Variants in LRP5 observed in about 807,000 individuals in gnomAD.
The protein encoded by LRP5 is low-density lipoprotein receptor-related protein 5.
Under a neutral mutation model 154.1 loss-of-function variants are expected in LRP5, and 62 were observed. The observed-to-expected ratio is 0.40, with a 90% CI of 0.33 to 0.50. The LOEUF is 0.50. Ranked by LOEUF, LRP5 falls within the 20% of genes least tolerant of loss-of-function variation. LRP5 has a pLI of 0.55. For synonymous variants in LRP5, 966 were observed against 1,011.5 expected (o/e 0.96, Z 0.85); for missense variants, 1,915 against 2,336.7 (o/e 0.82, Z 3.72).
At chr11:68,389,542 C>T (rs1235732204) in intron 6 of LRP5, among the ~76,000 whole-genome samples, 3 of 151,932 alleles carry the variant, frequency 2.0e-5, no homozygotes, top group African/African-American at 4.8e-5. Flanking sequence ...TTACCAACAC[C>T]GATGTTTACC....
intron 1 of LRP5, among the ~76,000 whole-genome samples, chr11:68,329,285 A>C (rs2098601440): frequency 6.6e-6 from 1 of 152,226 alleles, no homozygotes; most frequent in Admixed American, 6.5e-5. Flanking sequence ...ACAGTGTGCC[A>C]GGTGGGCTCT....
chr11:68,417,002 A>G lies in LRP5; in HGVS notation c.3027+475A>G, dbSNP rs73515091. Among the ~76,000 whole-genome samples, 684 of 152,356 alleles carry G rather than the reference A, an allele frequency of 4.5e-3. 3 individuals carry two copies. Among genetic ancestry groups the G allele is most frequent in the African/African-American group, 0.016 (660 of 41,578 alleles). ...ACAGCCCTCAAAATCTCCATCAATG[A>G]CATGTAAGAAAAGAGAGGAACCTGG... On this transcript the variant is annotated intron_variant, in intron 13 of 22. Transcript: ENST00000294304.
chr11:68,390,625 C>T (rs1259366997), intron 7 of LRP5, among the ~76,000 whole-genome samples: 8 of 152,160 alleles, frequency 5.3e-5, no homozygotes, highest in Middle Eastern at 3.4e-3. Flanking sequence ...TCAGTGGCCT[C>T]GTCCCGTGGA....
chr11:68,374,036 G>A (rs935376087), intron 5 of LRP5, among the ~76,000 whole-genome samples: 2 of 152,198 alleles, frequency 1.3e-5, no homozygotes, highest in Non-Finnish European at 2.9e-5. Context: ...GTGCGGCTTG[G>A]GGATTTGTGG....
intron 2 of LRP5, among the ~76,000 whole-genome samples, chr11:68,351,365 C>T (rs1455135120): frequency 1.3e-5 from 2 of 152,132 alleles, no homozygotes; most frequent in Non-Finnish European, 2.9e-5. Context: ...CCTCTCAGCC[C>T]TCTCCCCCTG....
At chr11:68,373,329 AG>A (rs1283100609) in intron 5 of LRP5, among the ~76,000 whole-genome samples, 1 of 152,144 alleles carries the variant, frequency 6.6e-6, no homozygotes, top group Non-Finnish European at 1.5e-5. Context: ...CCCAAGGGAC[AG>A]GGAGCAGCGT....
chr11:68,332,078 C>G (rs1565322484), intron 1 of LRP5, among the ~76,000 whole-genome samples: 1 of 152,136 alleles, frequency 6.6e-6, no homozygotes, highest in African/African-American at 2.4e-5. Context: ...CCACCCGCCC[C>G]TGAAGGCCCC....
At position 68,433,674 on chromosome 11, in the gene LRP5, G is replaced by A. The variant is rs145293239; in HGVS notation, c.3836G>A (p.Arg1279His). 2.1e-5 allele frequency: 34 copies of A among 1,613,288 alleles called. No homozygotes were observed. Among genetic ancestry groups the A allele is most frequent in the Admixed American group, 3.3e-5 (2 of 60,012 alleles). ...ATCGACTGTATCCCCGGGGCCTGGC[G>A]CTGTGACGGCTTTCCCGAGTGCGAT... ...GEIDCIPGAW[R>H]CDGFPECDDQ... Residue 1279 changes from arginine to histidine, a missense_variant, in exon 18 of 23, where the codon CGC becomes CAC. Transcript: ENST00000294304.
intron 3 of LRP5, among the ~76,000 whole-genome samples, chr11:68,359,462 G>A (rs987107422): frequency 7.9e-5 from 12 of 152,294 alleles, no homozygotes; most frequent in African/African-American, 2.9e-4. Flanking sequence ...GTTATGAAGG[G>A]TGGACAAGAG....
chr11:68,379,586 C>G (rs2098639196), intron 5 of LRP5, among the ~76,000 whole-genome samples: 1 of 152,212 alleles, frequency 6.6e-6, no homozygotes, highest in Non-Finnish European at 1.5e-5. Context: ...CGTTTACTGA[C>G]TGCTGTTTCT....
intron 13 of LRP5, among the ~76,000 whole-genome samples, chr11:68,420,656 A>G (rs1451167748): frequency 1.3e-5 from 2 of 151,262 alleles, no homozygotes; most frequent in East Asian, 2.0e-4. Flanking sequence ...GTGAACCAAG[A>G]TTGTGCCTCT....
In LRP5 at chr11:68,369,542, G is replaced by A. The variant is rs1358870500; in HGVS notation, c.1015+3840G>A. Among the ~76,000 whole-genome samples the A allele has an allele frequency of 6.6e-5, 10 of 152,238 alleles. No individual in the cohort carries two copies. In the Middle Eastern group the frequency reaches 0.01, roughly 155 times the overall value. On this transcript the variant is annotated intron_variant, in intron 5 of 22. Coordinates refer to ENST00000294304, the MANE Select transcript of LRP5 (RefSeq NM_002335.4). The stretch of plus-strand genomic sequence containing the variant: ...GCCTGTCAGGTGCCTTGCCCTAACA[G>A]TGGAAGGATCATTTGAGGTCAGGGG...
chr11:68,419,527 C>G (rs1432165050), intron 13 of LRP5, among the ~76,000 whole-genome samples: 5 of 151,468 alleles, frequency 3.3e-5, no homozygotes, highest in African/African-American at 1.2e-4. Context: ...AGCCACAACA[C>G]CCAGCCATTT....
At chr11:68,361,130 C>G (rs1290503730) in intron 3 of LRP5, among the ~76,000 whole-genome samples, 1 of 148,900 alleles carries the variant, frequency 6.7e-6, no homozygotes, top group African/African-American at 2.5e-5. Flanking sequence ...ACAGTGAAAC[C>G]CTGTCTCTAC....
At chr11:68,330,499 G>A (rs1201028930) in intron 1 of LRP5, among the ~76,000 whole-genome samples, 1 of 152,098 alleles carries the variant, frequency 6.6e-6, no homozygotes, top group Admixed American at 6.5e-5. Context: ...TGGAATCTCT[G>A]CCCGACCCAG....
At chr11:68,396,952 G>C (rs1174784723) in intron 7 of LRP5, among the ~76,000 whole-genome samples, 1 of 152,200 alleles carries the variant, frequency 6.6e-6, no homozygotes, top group Non-Finnish European at 1.5e-5. Flanking sequence ...CTTCCCTTCT[G>C]CTTCACATAG....
At chr11:68,438,339 C>G (rs1364052588) in intron 19 of LRP5, 107 bp from the exon 20 acceptor site, 5 of 1,085,872 alleles carry the variant, frequency 4.6e-6, no homozygotes, top group Non-Finnish European at 7.1e-6. Flanking sequence ...CCCCACCCTC[C>G]ACCAGTGGCA....
At chr11:68,421,269 A>AG (rs1231996402) in intron 13 of LRP5, among the ~76,000 whole-genome samples, 1 of 152,192 alleles carries the variant, frequency 6.6e-6, no homozygotes, top group African/African-American at 2.4e-5. Flanking sequence ...TCAAAAAAAA[A>AG]AAGAGTTCAG....
chr11:68,388,330 G>A (rs1346000439), intron 6 of LRP5, among the ~76,000 whole-genome samples: 2 of 152,234 alleles, frequency 1.3e-5, no homozygotes, highest in African/African-American at 4.8e-5. Context: ...GTCCTCATCT[G>A]TGAAAAAGGA....
Sources: gnomAD v4.1 joint callset for allele counts (sites outside exome capture counted in the v4.1 genomes callset) on GRCh38, gnomAD v4.1.1 for gene constraint, MANE v1.5 for transcripts, NCBI Gene and HGNC (gene_info 2026-07-23, HGNC 2026-07-21) for gene names.